The following ALPK3 variants were observed in gnomAD, a reference collection of about 807,000 sequenced individuals.
ALPK3 encodes alpha-protein kinase 3.
In ALPK3, 102 loss-of-function variants were observed where a neutral mutation model predicts 140.0. The observed-to-expected ratio is 0.73, with a 90% CI of 0.62 to 0.86. The LOEUF is 0.86. ALPK3 is among the 40% of genes least tolerant of loss of function. The probability of loss-of-function intolerance (pLI) is 0.00; values close to 1 mark genes in which losing one functional copy is unlikely to be tolerated. For missense variants in ALPK3, 2,254 were observed against 2,208.2 expected (o/e 1.02, Z -0.42); for synonymous variants, 938 against 898.5 (o/e 1.04, Z -0.79).
intron 3 of ALPK3, among the ~76,000 whole-genome samples, chr15:84,838,075 C>T (rs1288713945): frequency 6.6e-6 from 1 of 152,138 alleles, no homozygotes; most frequent in African/African-American, 2.4e-5. Context: ...AGAGAAGGGG[C>T]TGGGCAGACA....
rs1363178176 is a variant in ALPK3, at chr15:84,854,936, G to GT, written c.1654-1452dup. ...GCTTACCGTCAGCTCTTTTGCTGTT[G>GT]TTTTCTCAATCATCTTTTGGTTGAC... is the stretch of plus-strand genomic sequence containing the variant. On this transcript the variant is annotated intron_variant, in intron 5 of 13. Coordinates refer to ENST00000258888, the MANE Select transcript of ALPK3 (RefSeq NM_020778.5). Among the ~76,000 whole-genome samples the GT allele has an allele frequency of 2.6e-5, 4 of 151,326 alleles. No homozygotes were observed. The East Asian group carries it at 7.7e-4, about 29-fold the overall frequency.
At chr15:84,852,334 T>C (rs1401319349) in intron 5 of ALPK3, among the ~76,000 whole-genome samples, 1 of 152,214 alleles carries the variant, frequency 6.6e-6, no homozygotes, top group Non-Finnish European at 1.5e-5. Context: ...GTGGCTATGC[T>C]GCACGAAGGG....
chr15:84,822,698 C>T (rs1963441071), intron 1 of ALPK3, among the ~76,000 whole-genome samples: 1 of 152,218 alleles, frequency 6.6e-6, no homozygotes, highest in Non-Finnish European at 1.5e-5. Context: ...CTAGCTGCCC[C>T]AGGCAAGAGA....
In ALPK3 at chr15:84,860,117, A is replaced by T. The variant is rs746604058; in HGVS notation, c.4129+45A>T. 17 of 1,603,110 alleles carry T rather than the reference A, an allele frequency of 1.1e-5. No individual in the cohort carries two copies. The East Asian group carries it at 2.0e-4, about 19-fold the overall frequency. On this transcript the variant is annotated intron_variant, in intron 9 of 13. Coordinates refer to ENST00000258888, the MANE Select transcript of ALPK3 (RefSeq NM_020778.5). ...AAGGCGGGGTGGTCCTACCCCTGCC[A>T]TCTGCAGGGAGGACCCTCTTTAAGG...
At chr15:84,830,636 G>C (rs1322316357) in intron 3 of ALPK3, among the ~76,000 whole-genome samples, 1 of 152,174 alleles carries the variant, frequency 6.6e-6, no homozygotes, top group Non-Finnish European at 1.5e-5. Context: ...TTTCTAGAAA[G>C]AGTACATGGG....
At position 84,857,116 on chromosome 15, in the gene ALPK3, C is replaced by G. The variant is rs373968196; in HGVS notation, c.2378C>G (p.Pro793Arg). Reference sequence around the variant, plus strand: ...AACCATGAGCAAACTGTGCTGGGTCCCCTGTCAGGGAACCTCATGCTCCCA... The same window carrying G: ...AACCATGAGCAAACTGTGCTGGGTCGCCTGTCAGGGAACCTCATGCTCCCA... Reference protein sequence around the residue: ...SRNHEQTVLGPLSGNLMLPAQ... With the variant: ...SRNHEQTVLGRLSGNLMLPAQ... The change falls in exon 6 of 14, where the codon CCC becomes CGC. Residue 793 changes from proline (P) to arginine (R), a missense_variant. Transcript: ENST00000258888. The G allele has an allele frequency of 2.5e-6, 4 of 1,614,044 alleles. No individual in the cohort carries two copies. In the South Asian group the frequency reaches 3.3e-5, roughly 13 times the overall value.
chr15:84,864,253 C>T (rs925755590), intron 11 of ALPK3, among the ~76,000 whole-genome samples, 189 bp from the exon 12 acceptor site: 1 of 152,126 alleles, frequency 6.6e-6, no homozygotes, highest in Non-Finnish European at 1.5e-5. Flanking sequence ...GACTCTGAAG[C>T]CAAAAATATC....
At chr15:84,860,307 C>T (rs1397919191) in intron 9 of ALPK3, among the ~76,000 whole-genome samples, 3 of 152,170 alleles carry the variant, frequency 2.0e-5, no homozygotes, top group Non-Finnish European at 4.4e-5. Context: ...GCCCTTTGCC[C>T]ATGTCAGAGT....
At chr15:84,853,315 T>C (rs1963826909) in intron 5 of ALPK3, among the ~76,000 whole-genome samples, 1 of 152,146 alleles carries the variant, frequency 6.6e-6, no homozygotes, top group Non-Finnish European at 1.5e-5. Flanking sequence ...GCATTTTTAT[T>C]AAGATTCTTC....
rs1160525560 is a variant in ALPK3, at chr15:84,869,321, G to A, written c.*865G>A. ...TTCCCCAACTTCTCTCGGGCTCTTT[G>A]CTCATGAGGTGAGAGCTGGTGTGAG... On this transcript the variant is annotated 3_prime_UTR_variant, in exon 14 of 14. Transcript: ENST00000258888. 1 of 152,370 alleles carries A rather than the reference G, an allele frequency of 6.6e-6. No individual in the cohort carries two copies. Among genetic ancestry groups the A allele is most frequent in the African/African-American group, 2.4e-5 (1 of 41,446 alleles). 9.4% of individuals were successfully genotyped at this position (152,370 alleles called of 1,614,324 possible).
At position 84,857,315 on chromosome 15, in the gene ALPK3, C is replaced by A. The variant is rs1452746622; in HGVS notation, c.2577C>A (p.Gly859=). The change falls in exon 6 of 14, where the codon GGC becomes GGA. Residue 859 remains glycine (G), a synonymous_variant. Coordinates refer to ENST00000258888, the MANE Select transcript of ALPK3 (RefSeq NM_020778.5). ...CMDQGGCPLA[G]LSQEVPTMPS... Reference sequence around the variant, plus strand: ...ATCAGGGTGGCTGTCCTCTAGCTGGCCTGAGCCAGGAGGTACCCACGATGC... The same window carrying A: ...ATCAGGGTGGCTGTCCTCTAGCTGGACTGAGCCAGGAGGTACCCACGATGC... 1 of 1,614,124 alleles carries A rather than the reference C, an allele frequency of 6.2e-7. No homozygotes were observed. The highest frequency in any genetic ancestry group is 1.7e-5 in the Admixed American group (1 of 60,020).
chr15:84,835,168 C>T (rs1280414157), intron 3 of ALPK3, among the ~76,000 whole-genome samples: 2 of 152,236 alleles, frequency 1.3e-5, no homozygotes, highest in East Asian at 3.8e-4. Context: ...AGGCTCTGAG[C>T]TGGGTCCTTG....
At chr15:84,820,965 C>T (rs1371549173) in intron 1 of ALPK3, among the ~76,000 whole-genome samples, 1 of 101,926 alleles carries the variant, frequency 9.8e-6, no homozygotes, top group Non-Finnish European at 2.0e-5. Context: ...CTTTCTGGGC[C>T]CTGAATTCCA....
intron 3 of ALPK3, among the ~76,000 whole-genome samples, chr15:84,831,240 G>A (rs1012152958): frequency 1.3e-5 from 2 of 152,022 alleles, no homozygotes; most frequent in African/African-American, 2.4e-5. Context: ...GATGTATTTC[G>A]ATATGGGTCT....
Position 84,841,191 on chromosome 15 carries a change from C to G in ALPK3, c.1653+259C>G, listed in dbSNP as rs551012916. ...GTTCACAGCCAAGGGGACTGTGCCCCGGAGGGAGATGGAAGAAGATAATGT... is the reference window on the plus strand; with the variant it reads ...GTTCACAGCCAAGGGGACTGTGCCCGGGAGGGAGATGGAAGAAGATAATGT... On this transcript the variant is annotated intron_variant, in intron 5 of 13. Transcript: ENST00000258888. 8.5e-5 allele frequency among the ~76,000 whole-genome samples: 13 copies of G among 152,202 alleles called. No individual in the cohort carries two copies. The East Asian group carries it at 2.5e-3, about 29-fold the overall frequency.
chr15:84,829,674 G>A (rs960475686), intron 3 of ALPK3, among the ~76,000 whole-genome samples: 2 of 152,208 alleles, frequency 1.3e-5, no homozygotes, highest in African/African-American at 2.4e-5. Context: ...CTACAGGCGC[G>A]TGCCACCACA....
At position 84,858,519 on chromosome 15, in the gene ALPK3, C is replaced by G. The variant is rs767010137; in HGVS notation, c.3781C>G (p.Leu1261Val). The stretch of plus-strand genomic sequence containing the variant: ...CCTGGATGAAGGCAAGCAGGAGACA[C>G]TGGCCAAGCCCAGGAAAGCCAAAGA... ...VALDEGKQET[L>V]AKPRKAKDLL... Residue 1261 changes from leucine to valine, a missense_variant, in exon 6 of 14, where the codon CTG becomes GTG. Leu to Val is a conservative substitution (Grantham distance 32). Coordinates refer to ENST00000258888, the MANE Select transcript of ALPK3 (RefSeq NM_020778.5). 1 of 1,587,244 alleles carries G rather than the reference C, an allele frequency of 6.3e-7. No individual in the cohort carries two copies. The highest frequency in any genetic ancestry group is 1.1e-5 in the South Asian group (1 of 87,770).
intron 3 of ALPK3, among the ~76,000 whole-genome samples, chr15:84,836,005 A>G (rs544976971): frequency 6.6e-6 from 1 of 152,364 alleles, no homozygotes; most frequent in East Asian, 1.9e-4. Context: ...TCCTAAGTGT[A>G]TAATATGTCA....
chr15:84,818,237 G>A (rs776046977), intron 1 of ALPK3, among the ~76,000 whole-genome samples: 1 of 152,194 alleles, frequency 6.6e-6, no homozygotes, highest in Non-Finnish European at 1.5e-5. Context: ...TCCAGTTTGG[G>A]GAAGTGAAAT....
Sources: allele counts gnomAD v4.1 joint callset (sites outside exome capture counted in the v4.1 genomes callset), GRCh38; gene constraint gnomAD v4.1.1; transcripts MANE v1.5; gene names NCBI Gene and HGNC (gene_info 2026-07-23, HGNC 2026-07-21).